The following CACNA1C variants were observed in gnomAD, a reference collection of about 807,000 sequenced individuals.
CACNA1C encodes the protein calcium voltage-gated channel subunit alpha1 C.
In CACNA1C, 30 loss-of-function variants were observed where a neutral mutation model predicts 229.0. The observed-to-expected ratio is 0.13, with a 90% CI of 0.10 to 0.18. The LOEUF (loss-of-function observed/expected upper bound fraction) is 0.18, where lower values mean the gene tolerates loss of function less well. Ranked by LOEUF, CACNA1C falls within the 10% of genes least tolerant of loss-of-function variation. The pLI is 1.00. For missense variants in CACNA1C, 1,658 were observed against 2,845.0 expected (o/e 0.58, Z 9.49); for synonymous variants, 1,114 against 1,132.5 (o/e 0.98, Z 0.33).
chr12:2,340,733 A>C (rs2096837210), intron 3 of CACNA1C, among the ~76,000 whole-genome samples: 1 of 152,184 alleles, frequency 6.6e-6, no homozygotes, highest in Admixed American at 6.5e-5. Context: ...CGAGGCTGGC[A>C]GATCACGAGG....
chr12:2,475,256 G>A (rs970159677), intron 5 of CACNA1C, among the ~76,000 whole-genome samples: 9 of 151,494 alleles, frequency 5.9e-5, no homozygotes, highest in Non-Finnish European at 1.2e-4. Flanking sequence ...CCGAGATCAC[G>A]CCACTGCACT....
chr12:2,691,953 G>A lies in CACNA1C; in HGVS notation c.*754G>A, dbSNP rs2097794152. On this transcript the variant is annotated 3_prime_UTR_variant, in exon 47 of 47. Transcript: ENST00000399655. Reference sequence around the variant, plus strand: ...GACAGCATGTTGCAGTTTCTTTTCGGTTTTGGTTTTTTTTAAATGTTTTAT... The same window carrying A: ...GACAGCATGTTGCAGTTTCTTTTCGATTTTGGTTTTTTTTAAATGTTTTAT... 1 of 152,240 alleles carries A rather than the reference G, an allele frequency of 6.6e-6. No individual in the cohort carries two copies. Among genetic ancestry groups the A allele is most frequent in the Admixed American group, 6.5e-5 (1 of 15,290 alleles). The allele number at this position is 152,240 out of a possible 1,614,324, so 9.4% of individuals were successfully genotyped here.
In CACNA1C at chr12:2,607,994, T is replaced by C. The variant is rs215994; in HGVS notation, c.3357-517T>C. The stretch of plus-strand genomic sequence containing the variant: ...GGCACACAGCCCAGGCTCAAATGAA[T>C]GGCATATGTATGTAAACTGCTTATG... On this transcript the variant is annotated intron_variant, in intron 26 of 46. Transcript: ENST00000399655. The C allele has an allele frequency of 0.21, 32,093 of 152,744 alleles. 3,515 individuals are homozygous for C. The highest frequency in any genetic ancestry group is 0.35 in the East Asian group (1,805 of 5,160). The allele number at this position is 152,744 out of a possible 1,614,324, so 9.5% of individuals were successfully genotyped here. A position where few individuals can be genotyped will look rare whatever the true frequency, so the allele number is the denominator to read the frequency against.
intron 1 of CACNA1C, among the ~76,000 whole-genome samples, chr12:2,065,479 G>T (rs2058982502): frequency 6.6e-6 from 1 of 151,822 alleles, no homozygotes; most frequent in Admixed American, 6.6e-5. Flanking sequence ...TATCTGCAAG[G>T]CAGTTTGCTT....
intron 5 of CACNA1C, among the ~76,000 whole-genome samples, chr12:2,473,218 T>C (rs1269970979): frequency 6.6e-6 from 1 of 152,200 alleles, no homozygotes; most frequent in Non-Finnish European, 1.5e-5. Context: ...CTCATTGGTT[T>C]CACCTTGTAC....
chr12:2,286,544 C>T (rs1029981540), intron 3 of CACNA1C, among the ~76,000 whole-genome samples: 6 of 152,116 alleles, frequency 3.9e-5, no homozygotes, highest in South Asian at 2.1e-4. Flanking sequence ...GTTCTGGCTT[C>T]GGGGCTTCTC....
chr12:2,518,651 C>A (rs1006272478), intron 9 of CACNA1C, among the ~76,000 whole-genome samples: 1 of 152,004 alleles, frequency 6.6e-6, no homozygotes, highest in African/African-American at 2.4e-5. Context: ...TTATCTAGAT[C>A]TCTCGATACC....
At chr12:2,199,457 A>G (rs754594270) in intron 3 of CACNA1C, among the ~76,000 whole-genome samples, 1 of 152,148 alleles carries the variant, frequency 6.6e-6, no homozygotes, top group Non-Finnish European at 1.5e-5. Flanking sequence ...TTTTCTTAAT[A>G]TATTCTTTTC....
intron 7 of CACNA1C, among the ~76,000 whole-genome samples, chr12:2,499,961 C>G (rs978552251): frequency 6.6e-6 from 1 of 152,128 alleles, no homozygotes; most frequent in South Asian, 2.1e-4. Flanking sequence ...GTAGGTGGAC[C>G]AGAATAAAGA....
At chr12:2,201,596 A>G (rs2097580442) in intron 3 of CACNA1C, among the ~76,000 whole-genome samples, 1 of 152,232 alleles carries the variant, frequency 6.6e-6, no homozygotes, top group Non-Finnish European at 1.5e-5. Flanking sequence ...TACTTCTAGC[A>G]TGTATTTATC....
chr12:2,580,023 G>T (rs182215065), intron 13 of CACNA1C, among the ~76,000 whole-genome samples: 1 of 152,300 alleles, frequency 6.6e-6, no homozygotes, highest in East Asian at 1.9e-4. Context: ...CCTCTAGCCT[G>T]CAGGGGCTCC....
chr12:2,635,840 G>A (rs914036679), intron 30 of CACNA1C, among the ~76,000 whole-genome samples: 1 of 152,072 alleles, frequency 6.6e-6, no homozygotes, highest in African/African-American at 2.4e-5. Flanking sequence ...GTCTGTGTGT[G>A]TGTGAGCATG....
intron 13 of CACNA1C, among the ~76,000 whole-genome samples, chr12:2,568,904 T>C (rs942299969): frequency 6.6e-6 from 1 of 152,232 alleles, no homozygotes; most frequent in Non-Finnish European, 1.5e-5. Flanking sequence ...TTTTATGTTA[T>C]GTGTATTTTA....
intron 3 of CACNA1C, among the ~76,000 whole-genome samples, chr12:2,273,786 A>G (rs2086302887): frequency 6.6e-6 from 1 of 151,956 alleles, no homozygotes; most frequent in Non-Finnish European, 1.5e-5. Context: ...GAGACGGTCA[A>G]CCCCCTCTCC....
intron 1 of CACNA1C, among the ~76,000 whole-genome samples, chr12:2,071,524 C>T (rs1469284806): frequency 6.6e-6 from 1 of 152,032 alleles, no homozygotes; most frequent in African/African-American, 2.4e-5. Flanking sequence ...CCGCTCCCAG[C>T]CTCACGATCT....
At chr12:2,115,177 C>T (rs765986390) in intron 1 of CACNA1C, 47 bp from the exon 2 acceptor site, 8 of 1,388,296 alleles carry the variant, frequency 5.8e-6, no homozygotes, top group Non-Finnish European at 7.7e-6. Flanking sequence ...GGAAGTGCCC[C>T]TGTTTTCTAT....
chr12:1,980,883 T>A (rs2035935207), intron 1 of CACNA1C, among the ~76,000 whole-genome samples: 1 of 152,018 alleles, frequency 6.6e-6, no homozygotes, highest in Admixed American at 6.6e-5. Flanking sequence ...ACACAGTGAA[T>A]AAACTTCTTA....
At chr12:2,511,126 T>G (rs1168738025) in intron 8 of CACNA1C, among the ~76,000 whole-genome samples, 14 of 152,192 alleles carry the variant, frequency 9.2e-5, no homozygotes, top group Non-Finnish European at 4.4e-5. Context: ...TAGAATTGGA[T>G]TCAATCAAAT....
At chr12:2,343,130 G>A (rs1026892741) in intron 3 of CACNA1C, among the ~76,000 whole-genome samples, 1 of 152,148 alleles carries the variant, frequency 6.6e-6, no homozygotes, top group Non-Finnish European at 1.5e-5. Context: ...CTGATTCTAG[G>A]CTGGGACTCT....
Sources: allele counts gnomAD v4.1 joint callset (sites outside exome capture counted in the v4.1 genomes callset), GRCh38; gene constraint gnomAD v4.1.1; transcripts MANE v1.5; gene names NCBI Gene and HGNC (gene_info 2026-07-23, HGNC 2026-07-21).